Variants in IL16 observed in about 807,000 individuals in gnomAD.
IL16 encodes pro-interleukin-16.
Under a neutral mutation model 110.1 loss-of-function variants are expected in IL16, and 67 were observed. The observed-to-expected ratio is 0.61, with a 90% CI of 0.50 to 0.75. The LOEUF (loss-of-function observed/expected upper bound fraction) is 0.75, where lower values mean the gene tolerates loss of function less well. IL16 is among the 30% of genes least tolerant of loss of function. The pLI is 0.00. For synonymous variants in IL16, 689 were observed against 662.9 expected, an observed-to-expected ratio of 1.04 and a Z score of -0.61; for missense variants, 1,545 against 1,655.0, an observed-to-expected ratio of 0.93 and a Z score of 1.15.
chr15:81,290,005 G>T, intron 10 of IL16: 1 of 397,218 alleles, frequency 2.5e-6, no homozygotes, highest in Non-Finnish European at 4.9e-6. Context: ...TTGACTCTAG[G>T]ACTCATACTC....
rs192626342 is a variant in IL16, at chr15:81,313,302, C to T, written c.*4504C>T. 2.5e-5 allele frequency: 39 copies of T among 1,579,386 alleles called. No individual in the cohort carries two copies. Among genetic ancestry groups the T allele is most frequent in the South Asian group, 1.1e-4 (9 of 84,668 alleles). On this transcript the variant is annotated 3_prime_UTR_variant, in exon 19 of 19. Coordinates refer to ENST00000683961, the MANE Select transcript of IL16 (RefSeq NM_172217.5). ...TGCTTTCTGAAGGTTGGCATAAAAC[C>T]GGGTCATGCTGCGGGGGAAGAAGGA...
chr15:81,203,244 G>A lies in IL16; in HGVS notation c.-102+6092G>A, dbSNP rs762238713. On this transcript the variant is annotated intron_variant, in intron 1 of 18. Coordinates refer to ENST00000683961, the MANE Select transcript of IL16 (RefSeq NM_172217.5). ...TAGCCCTTTGTCAGATGAGTAGGTT[G>A]CAAAAATTTTCTCCCATTCTGTCAG... 9.3e-3 allele frequency among the ~76,000 whole-genome samples: 1,412 copies of A among 151,944 alleles called. 9 individuals carry two copies. Among genetic ancestry groups the A allele is most frequent in the Middle Eastern group, 0.031 (9 of 294 alleles).
intron 1 of IL16, among the ~76,000 whole-genome samples, chr15:81,216,252 A>T (rs1896426347): frequency 6.6e-6 from 1 of 152,020 alleles, no homozygotes; most frequent in African/African-American, 2.4e-5. Flanking sequence ...CCCTGGGGAG[A>T]TCCCCCTCCA....
At chr15:81,261,151 G>A (rs1898136509) in intron 3 of IL16, among the ~76,000 whole-genome samples, 1 of 152,204 alleles carries the variant, frequency 6.6e-6, no homozygotes, top group African/African-American at 2.4e-5. Context: ...GCCAAGACCA[G>A]CTATACAATT....
chr15:81,196,474 G>A (rs902517673), upstream of IL16, among the ~76,000 whole-genome samples: 4 of 152,110 alleles, frequency 2.6e-5, no homozygotes, highest in Admixed American at 1.3e-4. Flanking sequence ...TGAATCCCCC[G>A]GCTCAAGTGA....
chr15:81,266,360 A>G (rs902168702), intron 4 of IL16, among the ~76,000 whole-genome samples: 9 of 152,230 alleles, frequency 5.9e-5, no homozygotes, highest in African/African-American at 2.2e-4. Context: ...CCCATTTTAT[A>G]GTAGGACACT....
intron 1 of IL16, among the ~76,000 whole-genome samples, chr15:81,205,534 T>C (rs1414403030): frequency 6.6e-6 from 1 of 152,120 alleles, no homozygotes; most frequent in East Asian, 1.9e-4. Flanking sequence ...AAACCTATGA[T>C]TCATTAAGAA....
At chr15:81,274,299 A>G (rs77786267) in intron 6 of IL16, among the ~76,000 whole-genome samples, 12,003 of 152,196 alleles carry the variant, frequency 0.079, 1,492 homozygotes, top group African/African-American at 0.26. Context: ...TTGAAAATTT[A>G]AAAGTGTTTT....
chr15:81,273,678 A>C (rs1258646591), intron 6 of IL16, among the ~76,000 whole-genome samples: 1 of 152,088 alleles, frequency 6.6e-6, no homozygotes, highest in African/African-American at 2.4e-5. Context: ...TCTGATAAAC[A>C]TTTGCTAGGA....
At chr15:81,281,323 C>T (rs777268747) in intron 8 of IL16, among the ~76,000 whole-genome samples, 1 of 152,210 alleles carries the variant, frequency 6.6e-6, no homozygotes, top group South Asian at 2.1e-4. Context: ...GTGCTCACTC[C>T]ATCTGGTCCT....
Position 81,299,613 on chromosome 15 carries a change from A to G in IL16, c.2287A>G (p.Thr763Ala). ...AGATGGGACCCCACCAAAGCTGGAC[A>G]CCGCCAATGGCACTCCCAAAGTTTA... ...HPDGTPPKLD[T>A]ANGTPKVYKS... is the part of the protein sequence containing the mutation. The change falls in exon 14 of 19, where the codon ACC (threonine) becomes GCC (alanine). Residue 763 changes from threonine to alanine, a missense_variant. By Grantham distance (58) the Thr-to-Ala change is moderately conservative. Coordinates refer to ENST00000683961, the MANE Select transcript of IL16 (RefSeq NM_172217.5). 1 of 1,614,212 alleles carries G rather than the reference A, an allele frequency of 6.2e-7. No homozygotes were observed. The highest frequency in any genetic ancestry group is 8.5e-7 in the Non-Finnish European group (1 of 1,180,034).
At position 81,282,688 on chromosome 15, in the gene IL16, A is replaced by G; in HGVS notation, c.1131A>G (p.Gln377=). 5.0e-6 allele frequency: 8 copies of G among 1,614,026 alleles called. No individual in the cohort carries two copies. The highest frequency in any genetic ancestry group is 1.3e-5 in the African/African-American group (1 of 75,032). The part of the protein sequence containing the change: ...GIGLCSVPYF[Q]CISGIFVHTL... ...GCCTGTGCAGCGTTCCCTACTTCCA[A>G]TGCATCTCTGGCATTTTCGTCCACA... Residue 377 remains glutamine (Q), a synonymous_variant, in exon 9 of 19, where the codon CAA becomes CAG. Transcript: ENST00000683961.
intron 2 of IL16, among the ~76,000 whole-genome samples, chr15:81,255,566 C>T (rs1595998451): frequency 1.3e-5 from 2 of 152,324 alleles, no homozygotes; most frequent in South Asian, 4.1e-4. Flanking sequence ...GAGGCTACAC[C>T]TCCCTGCATG....
chr15:81,281,185 C>T (rs1186777896), intron 8 of IL16, among the ~76,000 whole-genome samples: 2 of 152,208 alleles, frequency 1.3e-5, no homozygotes, highest in African/African-American at 4.8e-5. Flanking sequence ...ATGGGATTGC[C>T]AACAATTGTC....
intron 3 of IL16, among the ~76,000 whole-genome samples, chr15:81,262,577 A>G (rs1898200167): frequency 6.6e-6 from 1 of 151,658 alleles, no homozygotes; most frequent in Admixed American, 6.6e-5. Context: ...TTGTTTTGTT[A>G]ATCTCATGCA....
intron 1 of IL16, among the ~76,000 whole-genome samples, chr15:81,188,791 C>G (rs1349221526): frequency 1.3e-5 from 2 of 152,096 alleles, no homozygotes; most frequent in Non-Finnish European, 2.9e-5. Context: ...ATCCCTTCCT[C>G]TCACAGCTAC....
rs368502539 is a variant in IL16 at position 81,313,232 on chromosome 15, C to A, written c.*4434C>A. 2.6e-6 allele frequency: 4 copies of A among 1,521,090 alleles called. No individual in the cohort carries two copies. The highest frequency in any genetic ancestry group is 3.5e-6 in the Non-Finnish European group (4 of 1,129,564). The allele number at this position is 1,521,090 out of a possible 1,614,324, so 94.2% of individuals were successfully genotyped here. ...AGCTCCTCGATGAGTCACGGGAGTT[C>A]TTTGCCAAGAAGTAACGATAGCATT... On this transcript the variant is annotated 3_prime_UTR_variant, in exon 19 of 19. Coordinates refer to ENST00000683961, the MANE Select transcript of IL16 (RefSeq NM_172217.5).
chr15:81,296,908 G>A lies in IL16; in HGVS notation c.1903-20G>A, dbSNP rs200292518. 1.6e-5 allele frequency: 25 copies of A among 1,579,648 alleles called. No homozygotes were observed. The highest frequency in any genetic ancestry group is 4.1e-5 in the African/African-American group (3 of 73,546). On this transcript the variant is annotated intron_variant, in intron 12 of 18. Coordinates refer to ENST00000683961, the MANE Select transcript of IL16 (RefSeq NM_172217.5). The stretch of plus-strand genomic sequence containing the variant: ...GAGGCTACCGTTTTGACATGGTCTC[G>A]CTTCCTGTTTACACCACAGGAAGCG...
intron 1 of IL16, among the ~76,000 whole-genome samples, chr15:81,185,184 C>T (rs1243373832): frequency 2.0e-5 from 3 of 152,122 alleles, no homozygotes; most frequent in South Asian, 2.1e-4. Context: ...CCACATGACA[C>T]ACTGCCATAT....
Sources: gnomAD v4.1 joint callset for allele counts (sites outside exome capture counted in the v4.1 genomes callset) on GRCh38, gnomAD v4.1.1 for gene constraint, MANE v1.5 for transcripts, NCBI Gene and HGNC (gene_info 2026-07-23, HGNC 2026-07-21) for gene names.